TMEM50B: variants seen among roughly 807,000 people sequenced by gnomAD.
The protein encoded by TMEM50B is transmembrane protein 50B.
Under a neutral mutation model 23.4 loss-of-function variants are expected in TMEM50B, and 14 were observed. That is an observed-to-expected ratio of 0.60 (90% CI 0.39 to 0.93). The LOEUF (loss-of-function observed/expected upper bound fraction) is 0.93, where lower values mean the gene tolerates loss of function less well. Among genes scored for constraint, TMEM50B ranks in the 40% least tolerant of loss-of-function variants. TMEM50B has a pLI of 0.00. For synonymous variants in TMEM50B, 64 were observed against 62.3 expected (o/e 1.03, Z -0.13); for missense variants, 159 against 193.0 (o/e 0.82, Z 1.04).
chr21:33,445,692 G>A (rs548906008), downstream of TMEM50B, among the ~76,000 whole-genome samples: 8 of 152,252 alleles, frequency 5.3e-5, no homozygotes, highest in African/African-American at 1.9e-4. Flanking sequence ...CAGTTACTTG[G>A]GAGGCCAAGG....
intron 1 of TMEM50B, among the ~76,000 whole-genome samples, chr21:33,475,091 T>C (rs2123462630): frequency 6.6e-6 from 1 of 151,666 alleles, no homozygotes; most frequent in East Asian, 2.0e-4. Context: ...CACGACCGGC[T>C]AATTTTTATA....
intron 8 of TMEM50B, chr21:33,437,122 C>G: frequency 1.7e-6 from 1 of 576,458 alleles, no homozygotes; most frequent in Non-Finnish European, 3.0e-6. Context: ...ATGGGGGTGA[C>G]AAGCTTTTTT....
At chr21:33,448,580 A>G (rs1222840706), downstream of TMEM50B, among the ~76,000 whole-genome samples, 3 of 151,836 alleles carry the variant, frequency 2.0e-5, no homozygotes, top group East Asian at 5.8e-4. Context: ...TCCAAGGTTC[A>G]CGCCATTCTC....
At chr21:33,452,022 T>C (rs114425355) in intron 6 of TMEM50B, among the ~76,000 whole-genome samples, 16 of 152,322 alleles carry the variant, frequency 1.1e-4, no homozygotes, top group African/African-American at 3.6e-4. Context: ...GCAGAGCACA[T>C]AGATGACACA....
At chr21:33,455,453 TGGGATTACA>T (rs2084160596) in intron 6 of TMEM50B, among the ~76,000 whole-genome samples, 1 of 152,212 alleles carries the variant, frequency 6.6e-6, no homozygotes, top group Non-Finnish European at 1.5e-5. Context: ...CCCAAAGTGC[TGGGATTACA>T]GGCATGAGCC....
intron 2 of TMEM50B, 171 bp downstream of exon 2, chr21:33,468,616 G>A (rs2084285630): frequency 3.7e-6 from 2 of 546,622 alleles, no homozygotes; most frequent in Non-Finnish European, 6.5e-6. Flanking sequence ...ATGAATCCAG[G>A]GCCTACCATA....
chr21:33,436,617 A>C (rs2083954155), intron 8 of TMEM50B, among the ~76,000 whole-genome samples: 1 of 151,700 alleles, frequency 6.6e-6, no homozygotes. Context: ...AGCTACTTGG[A>C]GGATTGAGGC....
At chr21:33,439,417 T>C (rs773661455) in intron 7 of TMEM50B, 2 of 152,150 alleles carry the variant, frequency 1.3e-5, no homozygotes, top group Admixed American at 6.6e-5. Context: ...TCTCACCCTG[T>C]TGCCCAGGCT....
intron 8 of TMEM50B, among the ~76,000 whole-genome samples, chr21:33,439,005 G>A (rs2083984003): frequency 6.6e-6 from 1 of 152,138 alleles, no homozygotes; most frequent in South Asian, 2.1e-4. Context: ...TGAGATCACA[G>A]GCGTGAGCCA....
intron 4 of TMEM50B, 108 bp from the exon 5 acceptor site, chr21:33,460,613 C>A: frequency 1.8e-5 from 8 of 453,792 alleles, no homozygotes; most frequent in East Asian, 7.2e-5. Context: ...TTATGCATAT[C>A]AAAGATAGTC....
At chr21:33,475,390 C>T (rs948228852) in intron 1 of TMEM50B, among the ~76,000 whole-genome samples, 6 of 152,088 alleles carry the variant, frequency 3.9e-5, no homozygotes, top group African/African-American at 1.4e-4. Flanking sequence ...CTCTGTCGCC[C>T]AGGCTGGAGT....
chr21:33,455,599 C>A (rs1047673200), intron 6 of TMEM50B, 128 bp downstream of exon 6: 10 of 810,436 alleles, frequency 1.2e-5, no homozygotes, highest in Admixed American at 2.3e-5. Flanking sequence ...GAATTCTCAC[C>A]TTTTAAAAGA....
At chr21:33,455,599 C>T in intron 6 of TMEM50B, 128 bp downstream of exon 6, 2 of 810,556 alleles carry the variant, frequency 2.5e-6, no homozygotes, top group South Asian at 3.3e-5. Flanking sequence ...GAATTCTCAC[C>T]TTTTAAAAGA....
At chr21:33,476,935 CCAT>C (rs1463442718) in intron 1 of TMEM50B, among the ~76,000 whole-genome samples, 1 of 151,940 alleles carries the variant, frequency 6.6e-6, no homozygotes, top group African/African-American at 2.4e-5. Context: ...GTCAAAATGT[CCAT>C]CAATAAGGAA....
In TMEM50B at chr21:33,465,575, T is replaced by C. The variant is rs542745796; in HGVS notation, c.213-166A>G. On this transcript the variant is annotated intron_variant, in intron 3 of 6. Transcript: ENST00000542230. ...TAAAAATGCTAGTTGATAGAAATGT[T>C]ACATTAGTCTTATTTTCATAAAGTA... 5.3e-5 allele frequency among the ~76,000 whole-genome samples: 8 copies of C among 152,358 alleles called. No homozygotes were observed. In the South Asian group the frequency reaches 1.4e-3, roughly 28 times the overall value.
At chr21:33,441,949 TCAAG>T (rs1292078104) in intron 7 of TMEM50B, among the ~76,000 whole-genome samples, 1 of 152,090 alleles carries the variant, frequency 6.6e-6, no homozygotes, top group Non-Finnish European at 1.5e-5. Context: ...ATTTTTGTTA[TCAAG>T]CATTTTTGCA....
At chr21:33,443,588 G>A (rs1262750662) in intron 7 of TMEM50B, among the ~76,000 whole-genome samples, 1 of 152,208 alleles carries the variant, frequency 6.6e-6, no homozygotes, top group Non-Finnish European at 1.5e-5. Context: ...ACGACTAAAT[G>A]CAACGTGTGA....
chr21:33,446,669 AAAAAAAAAAC>A (rs1393442111), downstream of TMEM50B, among the ~76,000 whole-genome samples: 8 of 148,582 alleles, frequency 5.4e-5, no homozygotes, highest in African/African-American at 7.4e-5. Flanking sequence ...AAAAAAAAAA[AAAAAAAAAAC>A]CTCTAAGAAA....
intron 5 of TMEM50B, among the ~76,000 whole-genome samples, chr21:33,456,624 A>G (rs1054721401): frequency 3.9e-5 from 6 of 152,222 alleles, no homozygotes; most frequent in Non-Finnish European, 7.3e-5. Context: ...ACAATACAGC[A>G]GCATGGTTAA....
Sources: gnomAD v4.1 joint callset for allele counts (sites outside exome capture counted in the v4.1 genomes callset) on GRCh38, gnomAD v4.1.1 for gene constraint, MANE v1.5 for transcripts, NCBI Gene and HGNC (gene_info 2026-07-23, HGNC 2026-07-21) for gene names.